TM9SF3: variants seen among roughly 807,000 people sequenced by gnomAD.
The protein encoded by TM9SF3 is SM-11044-binding protein.
Under a neutral mutation model 78.6 loss-of-function variants are expected in TM9SF3, and 14 were observed. The ratio of observed to expected loss-of-function variants is 0.18; its 90% confidence interval spans 0.12 to 0.28. The LOEUF is 0.28. TM9SF3 is among the 10% of genes least tolerant of loss of function. TM9SF3 has a pLI of 1.00. For synonymous variants in TM9SF3, 231 were observed against 241.7 expected, an observed-to-expected ratio of 0.96 and a Z score of 0.41; for missense variants, 496 against 721.9, an observed-to-expected ratio of 0.69 and a Z score of 3.59.
At chr10:96,552,477 G>A (rs757332139) in intron 6 of TM9SF3, among the ~76,000 whole-genome samples, 2 of 152,006 alleles carry the variant, frequency 1.3e-5, no homozygotes, top group African/African-American at 4.8e-5. Flanking sequence ...TACCTATACC[G>A]AATATCCATT....
At chr10:96,529,454 T>C (rs891367117) in intron 11 of TM9SF3, among the ~76,000 whole-genome samples, 4 of 152,098 alleles carry the variant, frequency 2.6e-5, no homozygotes, top group Non-Finnish European at 4.4e-5. Flanking sequence ...TAAAATTCGA[T>C]GTGATTGAGA....
intron 2 of TM9SF3, among the ~76,000 whole-genome samples, chr10:96,567,806 T>C (rs796171196): frequency 6.6e-6 from 1 of 152,230 alleles, no homozygotes; most frequent in African/African-American, 2.4e-5. Flanking sequence ...GACTAGGCAC[T>C]AAACAAATAA....
intron 2 of TM9SF3, among the ~76,000 whole-genome samples, chr10:96,572,655 T>C (rs944833668): frequency 6.6e-6 from 1 of 151,008 alleles, no homozygotes; most frequent in Non-Finnish European, 1.5e-5. Context: ...GCCTCCCGAG[T>C]AGCTGGGACC....
At chr10:96,565,992 A>G (rs1712755332) in intron 2 of TM9SF3, among the ~76,000 whole-genome samples, 1 of 152,218 alleles carries the variant, frequency 6.6e-6, no homozygotes, top group African/African-American at 2.4e-5. Flanking sequence ...ATTGCCTTAA[A>G]GTCCCCTCAA....
In TM9SF3 at chr10:96,560,666, A is replaced by T. The variant is rs145680261; in HGVS notation, c.583-930T>A. 3.6e-4 allele frequency: 220 copies of T among 610,860 alleles called. 1 individual carries two copies. The highest frequency in any genetic ancestry group is 3.6e-3 in the African/African-American group (196 of 54,790). The allele number at this position is 610,860 out of a possible 1,614,324, so 37.8% of individuals were successfully genotyped here. ...AAAAAGTAAAACTTGCTGCTGATGA[A>T]GATGATGATGATGATGATGACGATT... On this transcript the variant is annotated intron_variant, in intron 4 of 14. Coordinates refer to ENST00000371142, the MANE Select transcript of TM9SF3 (RefSeq NM_020123.4).
chr10:96,565,078 T>C (rs1848353529), intron 3 of TM9SF3, among the ~76,000 whole-genome samples: 1 of 152,186 alleles, frequency 6.6e-6, no homozygotes, highest in Non-Finnish European at 1.5e-5. Context: ...TGAAAAGTTA[T>C]ACTATAAAAA....
At chr10:96,580,160 A>G (rs1239452898) in intron 1 of TM9SF3, among the ~76,000 whole-genome samples, 2 of 152,194 alleles carry the variant, frequency 1.3e-5, no homozygotes, top group Non-Finnish European at 2.9e-5. Context: ...TTCTTCACCT[A>G]CTTATTTTCC....
chr10:96,523,860 T>C (rs1847809157), intron 14 of TM9SF3, among the ~76,000 whole-genome samples: 1 of 151,922 alleles, frequency 6.6e-6, no homozygotes, highest in Admixed American at 6.6e-5. Context: ...TGAATCTTAA[T>C]TGATCTCAAA....
chr10:96,566,458 A>C (rs748688558), intron 2 of TM9SF3, among the ~76,000 whole-genome samples: 1 of 152,206 alleles, frequency 6.6e-6, no homozygotes, highest in Non-Finnish European at 1.5e-5. Flanking sequence ...TAAGAGAGAG[A>C]GTAGCTTCCC....
intron 4 of TM9SF3, among the ~76,000 whole-genome samples, chr10:96,561,539 G>A (rs1848308859): frequency 6.6e-6 from 1 of 152,158 alleles, no homozygotes; most frequent in Non-Finnish European, 1.5e-5. Context: ...AGCTCTCACT[G>A]TGCAGGAGTA....
Position 96,519,745 on chromosome 10 carries a change from A to C in TM9SF3, c.*2518T>G, listed in dbSNP as rs1440341410. ...TTCTACAACTGAGCGCTAGGGAGCT[A>C]AACTATTTGTGAATTACATCTTCTT... On this transcript the variant is annotated 3_prime_UTR_variant, in exon 15 of 15. Transcript: ENST00000371142. 1 of 151,826 alleles carries C rather than the reference A, an allele frequency of 6.6e-6. No individual in the cohort carries two copies. The highest frequency in any genetic ancestry group is 2.4e-5 in the African/African-American group (1 of 41,418). The allele number at this position is 151,826 out of a possible 1,614,324, so 9.4% of individuals were successfully genotyped here.
At chr10:96,551,109 C>T in intron 7 of TM9SF3, 136 bp downstream of exon 7, 2 of 771,846 alleles carry the variant, frequency 2.6e-6, no homozygotes, top group Non-Finnish European at 4.0e-6. Context: ...TGTCTGTCTG[C>T]ATTTATGATA....
At chr10:96,552,894 T>C in intron 6 of TM9SF3, 34 bp downstream of exon 6, 2 of 1,487,988 alleles carry the variant, frequency 1.3e-6, no homozygotes, top group African/African-American at 1.4e-5. Flanking sequence ...TCAGTTAAAA[T>C]GTTTCTACAA....
chr10:96,566,333 T>C (rs1848370272), intron 2 of TM9SF3, among the ~76,000 whole-genome samples: 1 of 151,956 alleles, frequency 6.6e-6, no homozygotes, highest in Non-Finnish European at 1.5e-5. Context: ...ATTATTAAAC[T>C]TTTTATTGAT....
At chr10:96,533,327 A>T (rs1847919490) in intron 9 of TM9SF3, 137 bp from the exon 10 acceptor site, 32 of 1,067,524 alleles carry the variant, frequency 3.0e-5, no homozygotes, top group Middle Eastern at 5.8e-4. Context: ...ATTGTGCAAG[A>T]AGTACACTAA....
intron 2 of TM9SF3, among the ~76,000 whole-genome samples, chr10:96,570,515 G>A (rs997662839): frequency 1.3e-5 from 2 of 152,090 alleles, no homozygotes; most frequent in Non-Finnish European, 2.9e-5. Context: ...ATAAGAAATC[G>A]GTAATAAGAA....
chr10:96,554,786 G>A (rs1310509474), intron 5 of TM9SF3, among the ~76,000 whole-genome samples: 2 of 152,154 alleles, frequency 1.3e-5, no homozygotes, highest in African/African-American at 4.8e-5. Flanking sequence ...CTGCCCTAAA[G>A]TACACTCATA....
chr10:96,567,811 A>T (rs1474928729), intron 2 of TM9SF3, among the ~76,000 whole-genome samples: 1 of 152,234 alleles, frequency 6.6e-6, no homozygotes, highest in Admixed American at 6.5e-5. Context: ...GGCACTAAAC[A>T]AATAAACAAA....
intron 1 of TM9SF3, among the ~76,000 whole-genome samples, chr10:96,579,012 G>A (rs1848530202): frequency 6.6e-6 from 1 of 152,362 alleles, no homozygotes; most frequent in South Asian, 2.1e-4. Flanking sequence ...GGGAGGTGGA[G>A]GTTGCAGTGA....
Sources: allele counts gnomAD v4.1 joint callset (sites outside exome capture counted in the v4.1 genomes callset), GRCh38; gene constraint gnomAD v4.1.1; transcripts MANE v1.5; gene names NCBI Gene and HGNC (gene_info 2026-07-23, HGNC 2026-07-21).